The following RNF212B variants were observed in gnomAD, a reference collection of about 807,000 sequenced individuals.
RNF212B encodes the protein E3 ubiquitin-protein ligase RNF212B.
In RNF212B, 52 loss-of-function variants were observed where a neutral mutation model predicts 55.5. The observed-to-expected ratio is 0.94, with a 90% CI of 0.75 to 1.18. The LOEUF is 1.18. Ranked by LOEUF, RNF212B falls within the 50% of genes most tolerant of loss-of-function variation. The pLI is 0.00. For synonymous variants in RNF212B, 99 were observed against 121.4 expected (o/e 0.82, Z 1.21); for missense variants, 289 against 350.4 (o/e 0.82, Z 1.40).
At chr14:23,232,615 G>T (rs979916549) in intron 2 of RNF212B, among the ~76,000 whole-genome samples, 1 of 149,764 alleles carries the variant, frequency 6.7e-6, no homozygotes, top group Admixed American at 6.6e-5. Context: ...GCCCCCGCCC[G>T]GCCAGCCTCC....
chr14:23,248,595 C>T (rs537749623), intron 4 of RNF212B, among the ~76,000 whole-genome samples: 1 of 152,096 alleles, frequency 6.6e-6, no homozygotes, highest in African/African-American at 2.4e-5. Flanking sequence ...GCATGCGCCA[C>T]CACACCTGGC....
At chr14:23,206,156 C>A (rs1199916332) in intron 2 of RNF212B, among the ~76,000 whole-genome samples, 1 of 152,094 alleles carries the variant, frequency 6.6e-6, no homozygotes, top group Non-Finnish European at 1.5e-5. Context: ...CTCACTGCAA[C>A]CTCTGCCTCC....
At chr14:23,190,628 T>C (rs1333114127) in intron 1 of RNF212B, among the ~76,000 whole-genome samples, 1 of 152,222 alleles carries the variant, frequency 6.6e-6, no homozygotes, top group Non-Finnish European at 1.5e-5. Context: ...AGCTCTCACC[T>C]ACACTGTTTC....
At chr14:23,198,214 C>G (rs1301819030) in intron 2 of RNF212B, among the ~76,000 whole-genome samples, 9 of 152,176 alleles carry the variant, frequency 5.9e-5, no homozygotes, top group Non-Finnish European at 1.0e-4. Flanking sequence ...AAAATAACTA[C>G]AGACATCATG....
In RNF212B at chr14:23,223,337, A is replaced by C. The variant is rs544448958; in HGVS notation, c.-1-17008A>C. Among the ~76,000 whole-genome samples, 23 of 151,754 alleles carry C rather than the reference A, an allele frequency of 1.5e-4. No homozygotes were observed. The South Asian group carries it at 4.8e-3, about 31-fold the overall frequency. ...CAGACCCACAGCTAATATTACACTG[A>C]ATGGAGAAAAACTGAAAGCCTTTCC... On this transcript the variant is annotated intron_variant, in intron 2 of 15. Coordinates refer to the RNF212B transcript ENST00000399910.
At chr14:23,201,494 A>G (rs990193877) in intron 2 of RNF212B, among the ~76,000 whole-genome samples, 6 of 152,214 alleles carry the variant, frequency 3.9e-5, no homozygotes, top group African/African-American at 1.4e-4. Context: ...TACCAATAAC[A>G]TTTATACAAA....
At chr14:23,212,209 A>G (rs954730947) in intron 2 of RNF212B, among the ~76,000 whole-genome samples, 14 of 152,326 alleles carry the variant, frequency 9.2e-5, no homozygotes, top group African/African-American at 3.4e-4. Flanking sequence ...CTTTTTCCCT[A>G]TGATCAAGAC....
intron 2 of RNF212B, among the ~76,000 whole-genome samples, chr14:23,231,874 G>A (rs954577706): frequency 5.3e-5 from 8 of 152,220 alleles, no homozygotes; most frequent in Non-Finnish European, 8.8e-5. Flanking sequence ...GCTCCTAACC[G>A]TGAGTGATCT....
At chr14:23,211,311 G>A (rs1025193621) in intron 2 of RNF212B, among the ~76,000 whole-genome samples, 1 of 151,854 alleles carries the variant, frequency 6.6e-6, no homozygotes, top group African/African-American at 2.4e-5. Flanking sequence ...ACACAGGCAA[G>A]ATGAATAGAT....
upstream of RNF212B, among the ~76,000 whole-genome samples, chr14:23,234,620 T>C (rs1187826092): frequency 6.6e-6 from 1 of 152,234 alleles, no homozygotes; most frequent in Admixed American, 6.5e-5. Flanking sequence ...CGTACTTGGT[T>C]CTATTTCTAG....
At chr14:23,188,591 C>T (rs1442349725) in intron 1 of RNF212B, among the ~76,000 whole-genome samples, 1 of 151,892 alleles carries the variant, frequency 6.6e-6, no homozygotes, top group Non-Finnish European at 1.5e-5. Context: ...CTCAGCCTCT[C>T]AAGTAGTTGG....
chr14:23,248,119 T>C (rs895780772), intron 4 of RNF212B, among the ~76,000 whole-genome samples: 1 of 151,936 alleles, frequency 6.6e-6, no homozygotes, highest in African/African-American at 2.4e-5. Flanking sequence ...TCTTTTTATT[T>C]AGTTTTTTGA....
chr14:23,224,017 G>C (rs1014558101), intron 2 of RNF212B, among the ~76,000 whole-genome samples: 1 of 151,974 alleles, frequency 6.6e-6, no homozygotes, highest in Admixed American at 6.6e-5. Flanking sequence ...AATTACCGAG[G>C]AATTAACCAA....
intron 11 of RNF212B, among the ~76,000 whole-genome samples, chr14:23,266,420 T>G (rs1304564304): frequency 1.4e-5 from 2 of 143,572 alleles, no homozygotes; most frequent in Non-Finnish European, 3.0e-5. Flanking sequence ...TTTTTTTTTT[T>G]TTTTTTTTGA....
rs563338117 is a variant in RNF212B at position 23,253,332 on chromosome 14, A to T, written c.229-5217A>T. ...ATTTCAGTTGGTTATTATGTCTCTTAAGTTTCTTTTACACTATAAGTTTTC... is the reference window on the plus strand; with the variant it reads ...ATTTCAGTTGGTTATTATGTCTCTTTAGTTTCTTTTACACTATAAGTTTTC... On this transcript the variant is annotated intron_variant, in intron 4 of 14. Transcript: ENST00000430154. Among the ~76,000 whole-genome samples, 250 of 152,266 alleles carry T rather than the reference A, an allele frequency of 1.6e-3. 1 individual carries two copies. Among genetic ancestry groups the T allele is most frequent in the Non-Finnish European group, 2.7e-3 (186 of 68,018 alleles).
At chr14:23,237,412 G>A (rs1594916257), upstream of RNF212B, among the ~76,000 whole-genome samples, 1 of 152,184 alleles carries the variant, frequency 6.6e-6, no homozygotes, top group Non-Finnish European at 1.5e-5. Flanking sequence ...TTACAGGCGT[G>A]AGCCACCGCC....
intron 4 of RNF212B, 193 bp from the exon 5 acceptor site, chr14:23,258,356 A>AAG (rs71313499): frequency 9.5e-6 from 3 of 314,196 alleles, no homozygotes; most frequent in African/African-American, 6.5e-5. Flanking sequence ...AAAAAAAAAA[A>AAG]GACAGTAGAA....
intron 2 of RNF212B, among the ~76,000 whole-genome samples, chr14:23,216,901 A>AAAAAAAAAAC (rs1881131959): frequency 1.3e-5 from 2 of 151,462 alleles, no homozygotes; most frequent in African/African-American, 2.4e-5. Flanking sequence ...AAAAAAAAAA[A>AAAAAAAAAAC]AAAGACCAAT....
chr14:23,226,918 C>A (rs772408088), intron 2 of RNF212B, among the ~76,000 whole-genome samples: 2 of 150,696 alleles, frequency 1.3e-5, no homozygotes, highest in African/African-American at 2.4e-5. Context: ...GCTAAGATTA[C>A]AGACATGAGC....
Sources: allele counts gnomAD v4.1 joint callset (sites outside exome capture counted in the v4.1 genomes callset), GRCh38; gene constraint gnomAD v4.1.1; transcripts MANE v1.5; gene names NCBI Gene and HGNC (gene_info 2026-07-23, HGNC 2026-07-21).